The following TTC21B variants were observed in gnomAD, a reference collection of about 807,000 sequenced individuals.
TTC21B encodes tetratricopeptide repeat domain 21B.
A neutral mutation model predicts 175.1 loss-of-function variants in TTC21B; 127 were observed. That is an observed-to-expected ratio of 0.73 (90% CI 0.63 to 0.84). The LOEUF (loss-of-function observed/expected upper bound fraction) is 0.84, where lower values mean the gene tolerates loss of function less well. TTC21B is among the 40% of genes least tolerant of loss of function. The pLI, the probability that TTC21B is intolerant of heterozygous loss-of-function variation, is 0.00. For synonymous variants in TTC21B, 524 were observed against 524.5 expected (o/e 1.00, Z 0.01); for missense variants, 1,561 against 1,558.3 (o/e 1.00, Z -0.03).
rs1401166364 is a variant in TTC21B at position 165,927,248 on chromosome 2, ATATATATATATATCCTAGTAGT to A, written c.1386+1865_1386+1886del. On this transcript the variant is annotated intron_variant, in intron 11 of 28. Transcript: ENST00000243344. The stretch of plus-strand genomic sequence containing the variant: ...TATATATATATATATCCTAGTAGTT[ATATATATATATATCCTAGTAGT>A]TATATATATATATATCCTAGTAGTT... Among the ~76,000 whole-genome samples, 43 of 78,002 alleles carry A rather than the reference ATATATATATATATCCTAGTAGT, an allele frequency of 5.5e-4. 4 individuals carry two copies. The highest frequency in any genetic ancestry group is 1.7e-3 in the East Asian group (5 of 2,970). 51.2% of individuals were successfully genotyped at this position (78,002 alleles called of 152,430 possible). A position where few individuals can be genotyped will look rare whatever the true frequency, so the allele number is the denominator to read the frequency against.
At chr2:165,896,105 C>T (rs1431644357) in intron 22 of TTC21B, among the ~76,000 whole-genome samples, 2 of 126,188 alleles carry the variant, frequency 1.6e-5, no homozygotes, top group African/African-American at 5.8e-5. Context: ...GGATTGCCAC[C>T]TCTGTGTCTC....
chr2:165,894,299 G>A (rs1320566450), intron 22 of TTC21B, among the ~76,000 whole-genome samples: 2 of 152,162 alleles, frequency 1.3e-5, no homozygotes, highest in African/African-American at 4.8e-5. Context: ...ATTAGATCTA[G>A]AAGAGGAATT....
intron 11 of TTC21B, 92 bp downstream of exon 11, chr2:165,929,043 G>A (rs976144724): frequency 1.1e-5 from 12 of 1,119,506 alleles, no homozygotes; most frequent in African/African-American, 6.2e-5. Context: ...TTAAGATGCC[G>A]ATATAGTCTA....
intron 20 of TTC21B, 126 bp from the exon 21 acceptor site, chr2:165,900,006 GAC>G: frequency 7.1e-5 from 5 of 70,198 alleles, no homozygotes; most frequent in South Asian, 4.0e-4. Flanking sequence ...AAGTATAATA[GAC>G]AAAAAAAAAA....
intron 17 of TTC21B, 59 bp downstream of exon 17, chr2:165,912,455 G>A (rs565681722): frequency 3.9e-5 from 52 of 1,330,460 alleles, no homozygotes; most frequent in Middle Eastern, 4.5e-4. Context: ...GAAGCTTCTC[G>A]AGGACAGGGT....
intron 8 of TTC21B, among the ~76,000 whole-genome samples, chr2:165,930,735 GTGTGT>G (rs1559067291): frequency 0.014 from 249 of 18,388 alleles, 1 homozygote; most frequent in African/African-American, 0.065. Flanking sequence ...GTATGGGGGT[GTGTGT>G]GTGTGTGTGT....
intron 25 of TTC21B, 124 bp downstream of exon 25, chr2:165,888,155 C>T: frequency 2.6e-6 from 2 of 767,590 alleles, no homozygotes; most frequent in Middle Eastern, 3.8e-4. Flanking sequence ...AACTATATAC[C>T]TAATTTTTAA....
At chr2:165,909,510 T>A (rs1223239148) in intron 18 of TTC21B, among the ~76,000 whole-genome samples, 1 of 152,038 alleles carries the variant, frequency 6.6e-6, no homozygotes, top group African/African-American at 2.4e-5. Context: ...ACAAAGAATA[T>A]AAATTAAAAA....
rs528381938 is a variant in TTC21B at position 165,912,933 on chromosome 2, A to T, written c.2212-309T>A. ...GAAGTCATTAAACTGCCAGTTATAGAGGGCTGAAGGATTGGTTCCCTTTGA... is the reference window on the plus strand; with the variant it reads ...GAAGTCATTAAACTGCCAGTTATAGTGGGCTGAAGGATTGGTTCCCTTTGA... On this transcript the variant is annotated intron_variant, in intron 16 of 28. Coordinates refer to ENST00000243344, the MANE Select transcript of TTC21B (RefSeq NM_024753.5). 2.6e-5 allele frequency among the ~76,000 whole-genome samples: 4 copies of T among 152,314 alleles called. No individual in the cohort carries two copies. The East Asian group carries it at 7.7e-4, about 29-fold the overall frequency.
chr2:165,875,362 C>G (rs1166457508), intron 28 of TTC21B, among the ~76,000 whole-genome samples: 1 of 151,890 alleles, frequency 6.6e-6, no homozygotes. Context: ...TTTACAGAGA[C>G]TCAGTAATCA....
intron 7 of TTC21B, among the ~76,000 whole-genome samples, chr2:165,932,109 C>T (rs974574494): frequency 1.3e-5 from 2 of 152,018 alleles, no homozygotes; most frequent in Non-Finnish European, 1.5e-5. Flanking sequence ...TTTGGATAGG[C>T]GAAGACACCC....
intron 8 of TTC21B, among the ~76,000 whole-genome samples, chr2:165,930,629 T>C (rs772736332): frequency 6.6e-6 from 1 of 151,868 alleles, no homozygotes; most frequent in Non-Finnish European, 1.5e-5. Flanking sequence ...TCTAATGATG[T>C]CACTGCAAAA....
rs1263664724 is a variant in TTC21B at position 165,924,649 on chromosome 2, T to C, written c.1416A>G (p.Pro472=). Residue 472 remains proline, a synonymous_variant, in exon 12 of 29, where the codon CCA becomes CCG. Transcript: ENST00000243344. ...QPASPGQPLC[P]LLRRCISVLE... is the part of the protein sequence containing the mutation. ...GGACTGAGATGCAACGCCTGAGAAG[T>C]GGACAAAGAGGTTGCCCAGGACTTG... 4.3e-6 allele frequency: 7 copies of C among 1,613,596 alleles called. No individual in the cohort carries two copies. The highest frequency in any genetic ancestry group is 3.3e-5 in the Admixed American group (2 of 59,988).
At chr2:165,925,835 A>T (rs956858416) in intron 11 of TTC21B, among the ~76,000 whole-genome samples, 8 of 152,188 alleles carry the variant, frequency 5.3e-5, no homozygotes, top group African/African-American at 1.9e-4. Flanking sequence ...ATACAGAGCA[A>T]ACAGTTTAAA....
chr2:165,877,190 TCTAC>T (rs1328973040), intron 27 of TTC21B, among the ~76,000 whole-genome samples: 5 of 152,212 alleles, frequency 3.3e-5, no homozygotes, highest in African/African-American at 1.2e-4. Context: ...AATATCTCAC[TCTAC>T]CTCTTAAAAA....
intron 15 of TTC21B, among the ~76,000 whole-genome samples, chr2:165,914,698 T>TGTGTGCGCGCGTGTGTGTGTGTGTGTG (rs71031214): frequency 7.6e-6 from 1 of 132,376 alleles, no homozygotes; most frequent in African/African-American, 3.1e-5. Flanking sequence ...TGTGTGTGTG[T>TGTGTGCGCGCGTGTGTGTGTGTGTGTG]TGTGTATCCC....
intron 25 of TTC21B, among the ~76,000 whole-genome samples, chr2:165,887,405 G>A (rs1038355696): frequency 2.4e-3 from 2 of 824 alleles, no homozygotes; most frequent in Non-Finnish European, 4.1e-3. Flanking sequence ...AGTGCTGTGT[G>A]AGGGAAGGAA....
chr2:165,949,879 C>G (rs536062138), intron 1 of TTC21B, 155 bp from the exon 2 acceptor site: 11 of 662,888 alleles, frequency 1.7e-5, no homozygotes, highest in African/African-American at 3.6e-5. Context: ...ATGGCTAGAA[C>G]TCAATGCTAA....
intron 26 of TTC21B, among the ~76,000 whole-genome samples, chr2:165,881,133 C>A (rs1473782356): frequency 1.3e-5 from 2 of 152,102 alleles, no homozygotes; most frequent in Non-Finnish European, 2.9e-5. Flanking sequence ...CTCCATGAAC[C>A]CTTATCTTCA....
Sources: gnomAD v4.1 joint callset for allele counts (sites outside exome capture counted in the v4.1 genomes callset) on GRCh38, gnomAD v4.1.1 for gene constraint, MANE v1.5 for transcripts, NCBI Gene and HGNC (gene_info 2026-07-23, HGNC 2026-07-21) for gene names.